The following THRB variants were observed in gnomAD, a reference collection of about 807,000 sequenced individuals.
THRB encodes thyroid hormone receptor beta.
In THRB, 12 loss-of-function variants were observed where a neutral mutation model predicts 47.8. The observed-to-expected ratio is 0.25, with a 90% CI of 0.16 to 0.41. The LOEUF (loss-of-function observed/expected upper bound fraction) is 0.41. Among genes scored for constraint, THRB ranks in the 10% least tolerant of loss-of-function variants. The probability of loss-of-function intolerance (pLI) is 1.00; values close to 1 mark genes in which losing one functional copy is unlikely to be tolerated. For synonymous variants in THRB, 218 were observed against 212.2 expected (o/e 1.03, Z -0.24); for missense variants, 348 against 589.2 (o/e 0.59, Z 4.24).
chr3:24,231,497 T>C (rs2048258308), intron 3 of THRB, among the ~76,000 whole-genome samples: 1 of 152,178 alleles, frequency 6.6e-6, no homozygotes, highest in Admixed American at 6.6e-5. Context: ...TACAATTTAG[T>C]ACTTCAGTAT....
chr3:24,353,442 G>T (rs1237621665), intron 1 of THRB, among the ~76,000 whole-genome samples: 1 of 152,060 alleles, frequency 6.6e-6, no homozygotes, highest in Non-Finnish European at 1.5e-5. Flanking sequence ...AAGAAATGAG[G>T]CTGTGTATTC....
intron 1 of THRB, among the ~76,000 whole-genome samples, chr3:24,456,967 C>T (rs911708379): frequency 2.6e-5 from 4 of 151,660 alleles, no homozygotes; most frequent in African/African-American, 9.7e-5. Context: ...AGGTTTGGGG[C>T]TTTTTGGTGT....
chr3:24,277,282 G>A (rs758046191), intron 3 of THRB, among the ~76,000 whole-genome samples: 1 of 152,172 alleles, frequency 6.6e-6, no homozygotes, highest in Non-Finnish European at 1.5e-5. Flanking sequence ...AGTGGGTAGA[G>A]GCTAGGGATG....
chr3:24,121,514 A>C lies in THRB; in HGVS notation c.*1370T>G, dbSNP rs774175460. 6.6e-6 allele frequency: 1 copy of C among 152,648 alleles called. No homozygotes were observed. Among genetic ancestry groups the C allele is most frequent in the African/African-American group, 2.4e-5 (1 of 41,464 alleles). 9.5% of individuals were successfully genotyped at this position (152,648 alleles called of 1,614,324 possible). ...TTCTATGCCCATTTTCTGACGCTGA[A>C]GAGATGAAGTGTCACTGTTTGTTTT... On this transcript the variant is annotated 3_prime_UTR_variant, in exon 11 of 11. Transcript: ENST00000646209.
chr3:24,330,426 G>A (rs766783468), intron 2 of THRB, among the ~76,000 whole-genome samples: 1 of 152,138 alleles, frequency 6.6e-6, no homozygotes, highest in Non-Finnish European at 1.5e-5. Flanking sequence ...GACATTCAAG[G>A]TATATAAAAC....
intron 1 of THRB, among the ~76,000 whole-genome samples, chr3:24,356,034 G>A (rs2063652821): frequency 6.6e-6 from 1 of 152,156 alleles, no homozygotes; most frequent in African/African-American, 2.4e-5. Context: ...TTCTCCAGCT[G>A]TGAACCTGTG....
At chr3:24,463,124 G>C (rs1360175102) in intron 1 of THRB, among the ~76,000 whole-genome samples, 1 of 152,206 alleles carries the variant, frequency 6.6e-6, no homozygotes, top group Non-Finnish European at 1.5e-5. Context: ...GGCTAGTTAA[G>C]GGAGAAGGAA....
intron 1 of THRB, among the ~76,000 whole-genome samples, chr3:24,470,418 T>A (rs1430604806): frequency 6.6e-6 from 1 of 152,184 alleles, no homozygotes; most frequent in African/African-American, 2.4e-5. Flanking sequence ...AGTTCCACCA[T>A]GTACTAGCTA....
chr3:24,311,412 G>A (rs556187168), intron 2 of THRB, among the ~76,000 whole-genome samples: 7 of 152,230 alleles, frequency 4.6e-5, no homozygotes, highest in Non-Finnish European at 8.8e-5. Flanking sequence ...ATGCCCTCTC[G>A]TCTCTCCTCT....
At chr3:24,133,276 A>T (rs373848658) in intron 9 of THRB, 40 bp downstream of exon 9, 1 of 1,609,658 alleles carries the variant, frequency 6.2e-7, no homozygotes, top group Non-Finnish European at 8.5e-7. Flanking sequence ...TGATGAAACT[A>T]TAATTAAGAA....
chr3:24,330,419 A>C (rs1253418195), intron 2 of THRB, among the ~76,000 whole-genome samples: 2 of 152,230 alleles, frequency 1.3e-5, no homozygotes, highest in African/African-American at 4.8e-5. Flanking sequence ...CAGTTCAGAC[A>C]TTCAAGGTAT....
At chr3:24,280,329 T>C (rs545756825) in intron 3 of THRB, among the ~76,000 whole-genome samples, 1 of 152,166 alleles carries the variant, frequency 6.6e-6, no homozygotes, top group Non-Finnish European at 1.5e-5. Context: ...AGGGACAGAC[T>C]GACACCTCAC....
chr3:24,248,005 C>G (rs1179212240), intron 3 of THRB, among the ~76,000 whole-genome samples: 1 of 151,658 alleles, frequency 6.6e-6, no homozygotes, highest in South Asian at 2.1e-4. Context: ...CATGGCCAAC[C>G]CTGTATCAGT....
At chr3:24,482,483 G>GATTCATTC (rs113661840) in intron 1 of THRB, among the ~76,000 whole-genome samples, 12 of 150,564 alleles carry the variant, frequency 8.0e-5, no homozygotes, top group South Asian at 2.1e-4. Context: ...ACCACTTCCT[G>GATTCATTC]ATTCATTCAT....
intron 1 of THRB, among the ~76,000 whole-genome samples, chr3:24,438,289 A>G (rs2071174016): frequency 6.6e-6 from 1 of 152,070 alleles, no homozygotes; most frequent in African/African-American, 2.4e-5. Flanking sequence ...TATATGGGTC[A>G]GCCAGGTGCC....
In THRB at chr3:24,417,092, AC is replaced by A. The variant is rs1307657133; in HGVS notation, c.-261+77559del. Among the ~76,000 whole-genome samples the A allele has an allele frequency of 4.3e-3, 436 of 100,768 alleles. 2 individuals are homozygous for A. The highest frequency in any genetic ancestry group is 0.015 in the African/African-American group (411 of 27,734). 66.1% of individuals were successfully genotyped at this position (100,768 alleles called of 152,430 possible). A position where few individuals can be genotyped will look rare whatever the true frequency, so the allele number is the denominator to read the frequency against. Reference sequence around the variant, plus strand: ...CCTCCATTGACTCATGAAATTTTAAACCAACACACACACACACACACACACA... The same window carrying A: ...CCTCCATTGACTCATGAAATTTTAAACAACACACACACACACACACACACA... On this transcript the variant is annotated intron_variant, in intron 1 of 10. Transcript: ENST00000646209.
intron 3 of THRB, among the ~76,000 whole-genome samples, chr3:24,284,936 G>A: frequency 6.6e-6 from 1 of 152,044 alleles, no homozygotes. Flanking sequence ...GAAACAACAG[G>A]TGCTGGAGAG....
At position 24,190,111 on chromosome 3, in the gene THRB, A is replaced by G. The variant is rs922559270; in HGVS notation, c.246T>C (p.Ser82=). ...HDDVNDQSVS[S]AQTFQTEEKK... ...TCTCCTCCGTTTGGAAGGTCTGGGC[A>G]CTTGAGACACTCTGGTCGTTCACAT... The change falls in exon 5 of 11, where the codon AGT becomes AGC. Residue 82 remains serine (S), a synonymous_variant. Transcript: ENST00000646209. 4 of 1,614,102 alleles carry G rather than the reference A, an allele frequency of 2.5e-6. No homozygotes were observed. Among genetic ancestry groups the G allele is most frequent in the Non-Finnish European group, 3.4e-6 (4 of 1,179,948 alleles).
chr3:24,197,959 A>G (rs1456613503), intron 4 of THRB, among the ~76,000 whole-genome samples: 3 of 152,164 alleles, frequency 2.0e-5, no homozygotes, highest in Non-Finnish European at 4.4e-5. Flanking sequence ...TCTCAAGGCC[A>G]TCTTTCTAAG....
Sources: allele counts gnomAD v4.1 joint callset (sites outside exome capture counted in the v4.1 genomes callset), GRCh38; gene constraint gnomAD v4.1.1; transcripts MANE v1.5; gene names NCBI Gene and HGNC (gene_info 2026-07-23, HGNC 2026-07-21).